The following MEGF11 variants were observed in gnomAD, a reference collection of about 807,000 sequenced individuals.
The protein encoded by MEGF11 is multiple epidermal growth factor-like domains protein 11.
In MEGF11, 126 loss-of-function variants were observed where a neutral mutation model predicts 146.6. The observed-to-expected ratio is 0.86, with a 90% CI of 0.74 to 1.00. MEGF11 has a LOEUF of 1.00. MEGF11 is among the 50% of genes least tolerant of loss of function. MEGF11 has a pLI of 0.00. For synonymous variants in MEGF11, 532 were observed against 583.4 expected, an observed-to-expected ratio of 0.91 and a Z score of 1.27; for missense variants, 1,509 against 1,521.2, an observed-to-expected ratio of 0.99 and a Z score of 0.13.
intron 5 of MEGF11, among the ~76,000 whole-genome samples, chr15:66,053,715 ATTTTTTT>A (rs71447880): frequency 1.2e-4 from 4 of 32,082 alleles, no homozygotes; most frequent in African/African-American, 4.8e-4. Flanking sequence ...CCTGGCACCA[ATTTTTTT>A]TTTTTTTTTT....
chr15:66,230,658 T>G (rs1356671766), intron 1 of MEGF11, among the ~76,000 whole-genome samples: 1 of 152,194 alleles, frequency 6.6e-6, no homozygotes, highest in Non-Finnish European at 1.5e-5. Flanking sequence ...TCAAAACCAT[T>G]CTTATAAAAG....
chr15:65,920,665 A>G (rs920575691), intron 15 of MEGF11, among the ~76,000 whole-genome samples: 2 of 152,258 alleles, frequency 1.3e-5, no homozygotes, highest in African/African-American at 4.8e-5. Context: ...GGGCTGGTGA[A>G]AAGAAAACAT....
rs770011740 is a variant in MEGF11, at chr15:65,940,669, AAGAG to A, written c.1288-9730_1288-9727del. On this transcript the variant is annotated intron_variant, in intron 10 of 25. Coordinates refer to ENST00000395614, the MANE Select transcript of MEGF11 (RefSeq NM_001385028.1). ...GGAACAGAGAGCCACAGGGATGAGA[AAGAG>A]AGAGACTTGGAGGCCACTTGTCATA... 2.6e-5 allele frequency among the ~76,000 whole-genome samples: 4 copies of A among 152,368 alleles called. No homozygotes were observed. In the South Asian group the frequency reaches 8.3e-4, roughly 32 times the overall value.
At chr15:66,012,061 C>A in intron 5 of MEGF11, among the ~76,000 whole-genome samples, 1 of 90,484 alleles carries the variant, frequency 1.1e-5, no homozygotes. Context: ...GAGACCCCAT[C>A]TCTTAAAAAA....
intron 5 of MEGF11, among the ~76,000 whole-genome samples, chr15:66,033,768 TTTTGGATTTA>T (rs1250070064): frequency 2.8e-5 from 4 of 143,356 alleles, no homozygotes; most frequent in East Asian, 5.2e-4. Flanking sequence ...TCCCTGTTGG[TTTTGGATTTA>T]TTTATTTTTA....
chr15:66,093,271 G>A (rs1198526486), intron 5 of MEGF11, among the ~76,000 whole-genome samples: 1 of 152,202 alleles, frequency 6.6e-6, no homozygotes, highest in African/African-American at 2.4e-5. Flanking sequence ...CATAGACAGA[G>A]AGGCTCCAGT....
chr15:66,236,443 C>G (rs964474391), intron 1 of MEGF11, among the ~76,000 whole-genome samples: 1 of 152,170 alleles, frequency 6.6e-6, no homozygotes, highest in South Asian at 2.1e-4. Flanking sequence ...AAAGACATCA[C>G]AGGCAAAAGG....
intron 1 of MEGF11, among the ~76,000 whole-genome samples, chr15:66,162,744 A>G (rs976103190): frequency 2.0e-5 from 3 of 152,202 alleles, no homozygotes; most frequent in African/African-American, 4.8e-5. Flanking sequence ...CTATCTGTAA[A>G]GATTCCTCCA....
intron 10 of MEGF11, among the ~76,000 whole-genome samples, chr15:65,951,837 A>T (rs55812611): frequency 1.3e-5 from 2 of 151,834 alleles, no homozygotes; most frequent in South Asian, 2.1e-4. Context: ...CATCTCTACA[A>T]ATTTTTTTTT....
At chr15:66,080,521 G>T (rs938479440) in intron 5 of MEGF11, among the ~76,000 whole-genome samples, 1 of 152,192 alleles carries the variant, frequency 6.6e-6, no homozygotes, top group Admixed American at 6.5e-5. Flanking sequence ...CAAAGTTCTT[G>T]GAAGATGGAG....
intron 5 of MEGF11, among the ~76,000 whole-genome samples, chr15:66,089,125 A>T (rs975894174): frequency 6.6e-6 from 1 of 152,238 alleles, no homozygotes; most frequent in African/African-American, 2.4e-5. Context: ...TTAACATTCT[A>T]TTTTAATCTG....
At chr15:66,100,453 G>A (rs541418506) in intron 4 of MEGF11, among the ~76,000 whole-genome samples, 24 of 152,298 alleles carry the variant, frequency 1.6e-4, no homozygotes, top group East Asian at 1.4e-3. Flanking sequence ...AGAACAGACC[G>A]GGAGCCAGGC....
chr15:66,186,972 G>A (rs143075432), intron 1 of MEGF11, among the ~76,000 whole-genome samples: 44 of 152,310 alleles, frequency 2.9e-4, no homozygotes, highest in Non-Finnish European at 5.9e-4. Context: ...TACCAGCTGT[G>A]TGTGGCCTCA....
chr15:66,062,169 CAGG>C (rs1468099671), intron 5 of MEGF11, among the ~76,000 whole-genome samples: 1 of 152,228 alleles, frequency 6.6e-6, no homozygotes, highest in East Asian at 1.9e-4. Flanking sequence ...AAGCTCTTTC[CAGG>C]CACAGAGAGC....
chr15:66,109,372 C>T (rs891329960), intron 4 of MEGF11, among the ~76,000 whole-genome samples: 4 of 152,294 alleles, frequency 2.6e-5, no homozygotes, highest in East Asian at 1.9e-4. Flanking sequence ...CTGTCTCCCA[C>T]GTCTCGCCTT....
intron 1 of MEGF11, among the ~76,000 whole-genome samples, chr15:66,220,460 G>A (rs2091704639): frequency 1.3e-5 from 2 of 151,746 alleles, no homozygotes; most frequent in African/African-American, 4.8e-5. Context: ...ACAAATCTGT[G>A]GTTGCCAGGG....
intron 1 of MEGF11, among the ~76,000 whole-genome samples, chr15:66,147,642 G>C (rs1011422198): frequency 6.6e-6 from 1 of 152,212 alleles, no homozygotes; most frequent in Non-Finnish European, 1.5e-5. Flanking sequence ...AGGTGAGAAA[G>C]AGCAGGTGCA....
At chr15:66,174,632 A>G (rs781494532) in intron 1 of MEGF11, among the ~76,000 whole-genome samples, 6 of 151,604 alleles carry the variant, frequency 4.0e-5, no homozygotes, top group Non-Finnish European at 5.9e-5. Context: ...TCCCAACCCC[A>G]TAATGCCCTT....
At chr15:66,151,046 T>A (rs1216856200) in intron 1 of MEGF11, among the ~76,000 whole-genome samples, 2 of 152,090 alleles carry the variant, frequency 1.3e-5, no homozygotes, top group Non-Finnish European at 2.9e-5. Context: ...GAGGTCCCCT[T>A]TTTGCCTCTA....
Sources: gnomAD v4.1 joint callset for allele counts (sites outside exome capture counted in the v4.1 genomes callset) on GRCh38, gnomAD v4.1.1 for gene constraint, MANE v1.5 for transcripts, NCBI Gene and HGNC (gene_info 2026-07-23, HGNC 2026-07-21) for gene names.